The following RHOC variants were observed in gnomAD, a reference collection of about 807,000 sequenced individuals.
The protein encoded by RHOC is ras homolog family member C, also known as rho-related GTP-binding protein RhoC.
In RHOC, 13 loss-of-function variants were observed where a neutral mutation model predicts 19.5. The ratio of observed to expected loss-of-function variants is 0.67; its 90% CI spans 0.43 to 1.06. The LOEUF is 1.06. RHOC is among the 50% of genes least tolerant of loss of function. The pLI is 0.00. For missense variants in RHOC, 173 were observed against 256.9 expected (o/e 0.67, Z 2.23); for synonymous variants, 106 against 97.3 (o/e 1.09, Z -0.52).
chr1:112,704,757 C>T, intron 2 of RHOC: 2 of 268,234 alleles, frequency 7.5e-6, no homozygotes, highest in Non-Finnish European at 7.3e-6. Flanking sequence ...GGGCAGGCTG[C>T]CTTCCTCCCC....
intron 1 of RHOC, among the ~76,000 whole-genome samples, chr1:112,706,456 CACACACACCACACACACACACACACACA>C (rs1674860491): frequency 4.0e-5 from 1 of 24,866 alleles, no homozygotes; most frequent in African/African-American, 1.1e-4. Flanking sequence ...CACACACACA[CACACACACCACACACACACACACACACA>C]CACACACACA....
At chr1:112,701,815 C>T in intron 5 of RHOC, 102 bp from the exon 6 acceptor site, 1 of 1,265,802 alleles carries the variant, frequency 7.9e-7, no homozygotes, top group African/African-American at 1.5e-5. Context: ...CCTCCTTCTC[C>T]AGCCCTGACC....
upstream of RHOC, chr1:112,707,385 A>T (rs1674936182): frequency 6.6e-6 from 1 of 152,180 alleles, no homozygotes; most frequent in South Asian, 2.1e-4. Flanking sequence ...GTGGACTCAG[A>T]CTCTGCCCAG....
chr1:112,706,501 CACA>C (rs1557780878), intron 1 of RHOC, among the ~76,000 whole-genome samples: 7 of 59,544 alleles, frequency 1.2e-4, no homozygotes, highest in African/African-American at 4.5e-4. Flanking sequence ...CACACACACA[CACA>C]CACACACACA....
At chr1:112,704,153 G>A (rs1306917815) in intron 2 of RHOC, 2 of 240,714 alleles carry the variant, frequency 8.3e-6, no homozygotes, top group Non-Finnish European at 1.6e-5. Flanking sequence ...CAGGGAGCAA[G>A]CTTCTATCTA....
intron 4 of RHOC, 93 bp downstream of exon 4, chr1:112,702,906 C>A: frequency 7.0e-7 from 1 of 1,423,336 alleles, no homozygotes; most frequent in South Asian, 1.2e-5. Context: ...GCATCCCCAC[C>A]CCCACCTCTG....
chr1:112,703,871 G>GC, intron 2 of RHOC, 65 bp from the exon 3 acceptor site: 1 of 1,493,458 alleles, frequency 6.7e-7, no homozygotes, highest in Non-Finnish European at 9.1e-7. Flanking sequence ...CTTCTCTAGG[G>GC]CCCCCAAACC....
intron 5 of RHOC, 138 bp from the exon 6 acceptor site, chr1:112,701,851 C>T: frequency 1.2e-6 from 1 of 843,890 alleles, no homozygotes; most frequent in Non-Finnish European, 1.9e-6. Context: ...CCCCAGCTAC[C>T]CTGGGCAGCT....
Position 112,701,258 on chromosome 1 carries a change from A to G in RHOC, c.*282T>C. On this transcript the variant is annotated 3_prime_UTR_variant, in exon 6 of 6. Coordinates refer to ENST00000339083, the MANE Select transcript of RHOC (RefSeq NM_175744.5). Reference sequence around the variant, plus strand: ...CTGCAGACACTTTCCTGTGAGCCAGAAGTGTATAAAGTGCTGGTGTGTGAC... The same window carrying G: ...CTGCAGACACTTTCCTGTGAGCCAGGAGTGTATAAAGTGCTGGTGTGTGAC... 1.3e-6 allele frequency: 1 copy of G among 765,296 alleles called. No homozygotes were observed. Among genetic ancestry groups the G allele is most frequent in the Non-Finnish European group, 2.1e-6 (1 of 484,854 alleles). 47.4% of individuals were successfully genotyped at this position (765,296 alleles called of 1,614,324 possible).
upstream of RHOC, chr1:112,707,236 G>A (rs1282969783): frequency 2.7e-5 from 4 of 150,392 alleles, no homozygotes; most frequent in African/African-American, 9.7e-5. Flanking sequence ...CCCCGGCCCC[G>A]CGCAGGGCCG....
At chr1:112,702,904 A>T in intron 4 of RHOC, 95 bp downstream of exon 4, 1 of 915,410 alleles carries the variant, frequency 1.1e-6, no homozygotes, top group Non-Finnish European at 1.6e-6. Context: ...CTGCATCCCC[A>T]CCCCCACCTC....
chr1:112,702,750 C>A, intron 4 of RHOC, 57 bp from the exon 5 acceptor site: 1 of 1,606,340 alleles, frequency 6.2e-7, no homozygotes, highest in Non-Finnish European at 8.5e-7. Flanking sequence ...GAAAGCTCCC[C>A]TGGGGGGGCC....
At chr1:112,707,028 G>A (rs1464004249) in intron 1 of RHOC, 50 bp downstream of exon 1, 1 of 152,144 alleles carries the variant, frequency 6.6e-6, no homozygotes, top group Non-Finnish European at 1.5e-5. Context: ...TGCTCTCCTG[G>A]GGACGAGTTC....
At chr1:112,705,052 C>A (rs1674791399) in intron 2 of RHOC, 48 bp downstream of exon 2, 1 of 702,394 alleles carries the variant, frequency 1.4e-6, no homozygotes. Context: ...GTTCATCACA[C>A]CTTCGCAGCT....
chr1:112,703,924 C>T, intron 2 of RHOC, 118 bp from the exon 3 acceptor site: 1 of 898,716 alleles, frequency 1.1e-6, no homozygotes, highest in African/African-American at 1.7e-5. Context: ...AGGGGGCTTG[C>T]TCAGGCATGT....
At chr1:112,703,179 C>A in intron 3 of RHOC, 60 bp from the exon 4 acceptor site, 1 of 1,599,356 alleles carries the variant, frequency 6.3e-7, no homozygotes. Context: ...ACCCAAAGGT[C>A]CCCTGAAACC....
intron 2 of RHOC, chr1:112,704,674 AC>A: frequency 5.3e-6 from 1 of 189,200 alleles, no homozygotes; most frequent in Non-Finnish European, 1.1e-5. Flanking sequence ...TCCCTGGTCC[AC>A]CCCACCCGGT....
At chr1:112,703,259 T>C in intron 3 of RHOC, 140 bp from the exon 4 acceptor site, 2 of 923,142 alleles carry the variant, frequency 2.2e-6, no homozygotes. Context: ...TATTAATCAC[T>C]GTCCCACAAC....
intron 5 of RHOC, 120 bp from the exon 6 acceptor site, chr1:112,701,833 C>T (rs1873295): frequency 0.013 from 13,656 of 1,055,268 alleles, 564 homozygotes; most frequent in African/African-American, 0.1. Flanking sequence ...ACCCAGAAAG[C>T]GCCCAGGCCC....
Sources: allele counts gnomAD v4.1 joint callset (sites outside exome capture counted in the v4.1 genomes callset), GRCh38; gene constraint gnomAD v4.1.1; transcripts MANE v1.5; gene names NCBI Gene and HGNC (gene_info 2026-07-23, HGNC 2026-07-21).